Variants in NFKB1 observed in about 807,000 individuals in gnomAD.
NFKB1 encodes nuclear factor NF-kappa-B p105 subunit.
In NFKB1, 9 loss-of-function variants were observed where a neutral mutation model predicts 105.1. That is an observed-to-expected ratio of 0.09 (90% CI 0.05 to 0.15). The LOEUF (loss-of-function observed/expected upper bound fraction) is 0.15. Among genes scored for constraint, NFKB1 ranks in the 10% least tolerant of loss-of-function variants. The probability of loss-of-function intolerance (pLI) is 1.00; values close to 1 mark genes in which losing one functional copy is unlikely to be tolerated. For missense variants in NFKB1, 830 were observed against 1,203.7 expected (o/e 0.69, Z 4.59); for synonymous variants, 440 against 442.2 (o/e 1.00, Z 0.06).
At position 102,515,104 on chromosome 4, in the gene NFKB1, A is replaced by ATTTTT. The variant is rs761237095; in HGVS notation, c.-7-10406_-7-10405insTTTTT. Among the ~76,000 whole-genome samples the ATTTTT allele has an allele frequency of 2.3e-3, 257 of 113,258 alleles. 2 individuals are homozygous for ATTTTT. Among genetic ancestry groups the ATTTTT allele is most frequent in the Non-Finnish European group, 3.0e-3 (172 of 56,602 alleles). 74.3% of individuals were successfully genotyped at this position (113,258 alleles called of 152,430 possible). A position where few individuals can be genotyped will look rare whatever the true frequency, so the allele number is the denominator to read the frequency against. ...AGTTCCATGTAATATTATTATTATTATTATTTTTTTTTTTTTTTTTTTTTG... is the reference window on the plus strand; with the variant it reads ...AGTTCCATGTAATATTATTATTATTATTTTTTTATTTTTTTTTTTTTTTTTTTTTG... On this transcript the variant is annotated intron_variant, in intron 1 of 23. Coordinates refer to ENST00000226574, the MANE Select transcript of NFKB1 (RefSeq NM_003998.4).
At chr4:102,507,202 A>T (rs1392466633) in intron 1 of NFKB1, among the ~76,000 whole-genome samples, 1 of 151,986 alleles carries the variant, frequency 6.6e-6, no homozygotes, top group Non-Finnish European at 1.5e-5. Flanking sequence ...TGTTAAAATA[A>T]TAAAATAATC....
chr4:102,571,550 T>C (rs1194575592), intron 6 of NFKB1, among the ~76,000 whole-genome samples: 1 of 152,128 alleles, frequency 6.6e-6, no homozygotes, highest in Non-Finnish European at 1.5e-5. Context: ...ACAGGCAACC[T>C]ACAGAATGGG....
intron 2 of NFKB1, among the ~76,000 whole-genome samples, chr4:102,526,940 GTA>G (rs959238220): frequency 7.0e-5 from 10 of 143,106 alleles, no homozygotes; most frequent in East Asian, 4.2e-4. Context: ...GTGTGTGTGT[GTA>G]TATATGTATA....
chr4:102,566,122 T>G (rs1723845004), intron 5 of NFKB1, among the ~76,000 whole-genome samples: 1 of 152,218 alleles, frequency 6.6e-6, no homozygotes, highest in Non-Finnish European at 1.5e-5. Context: ...TCCAGTCTAC[T>G]ACAGGGGCTA....
intron 23 of NFKB1, among the ~76,000 whole-genome samples, chr4:102,615,744 G>T (rs4648141): frequency 6.6e-6 from 1 of 151,964 alleles, no homozygotes; most frequent in Non-Finnish European, 1.5e-5. Flanking sequence ...AATGATAGTC[G>T]TGCCACTGGC....
intron 3 of NFKB1, among the ~76,000 whole-genome samples, chr4:102,533,030 G>GT (rs1741400116): frequency 1.3e-5 from 2 of 151,990 alleles, no homozygotes; most frequent in Non-Finnish European, 2.9e-5. Flanking sequence ...TTTTCTTTGC[G>GT]TTTTTACAAT....
intron 22 of NFKB1, among the ~76,000 whole-genome samples, chr4:102,613,072 T>G (rs1417857447): frequency 6.6e-6 from 1 of 152,088 alleles, no homozygotes; most frequent in Non-Finnish European, 1.5e-5. Context: ...TGTTGAAAAT[T>G]TCATGGTTAG....
chr4:102,530,937 A>G (rs1741250170), intron 3 of NFKB1, among the ~76,000 whole-genome samples: 1 of 152,160 alleles, frequency 6.6e-6, no homozygotes, highest in African/African-American at 2.4e-5. Context: ...TTAGGCTGCC[A>G]TGTCTGAGAT....
chr4:102,548,277 A>G (rs1722291288), intron 5 of NFKB1, among the ~76,000 whole-genome samples: 1 of 152,116 alleles, frequency 6.6e-6, no homozygotes, highest in South Asian at 2.1e-4. Context: ...AGTGTGATGA[A>G]GAAGAAGTCA....
At chr4:102,593,372 T>C in intron 11 of NFKB1, 53 bp from the exon 12 acceptor site, 2 of 1,505,676 alleles carry the variant, frequency 1.3e-6, no homozygotes, top group Non-Finnish European at 1.8e-6. Flanking sequence ...CTGTGGCTAG[T>C]GGTGGGACCA....
chr4:102,552,996 A>C (rs554270284), intron 5 of NFKB1, among the ~76,000 whole-genome samples: 1 of 152,308 alleles, frequency 6.6e-6, no homozygotes, highest in South Asian at 2.1e-4. Context: ...CCAAGAAATC[A>C]AAGAAAATTT....
chr4:102,578,883 C>G lies in NFKB1; in HGVS notation c.574C>G (p.Arg192Gly). ...EGGGDRQLGD[R>G]EKELIRQAAL... is the part of the protein sequence containing the mutation. ...TGGACTGTGCTGTATGGCCCTAGAT[C>G]GGGAAAAAGAGCTAATCCGCCAAGC... Residue 192 changes from arginine (R) to glycine (G), a missense_variant and splice_region_variant, in exon 8 of 24, where the codon CGG becomes GGG. Physicochemically the swap from Arg to Gly is moderately radical, Grantham distance 125. Around this residue, in one of 8 missense-constraint regions of NFKB1, gnomAD observed 80 missense variants for 122.6 expected, o/e 0.65. Transcript: ENST00000226574. 1.2e-6 allele frequency: 2 copies of G among 1,613,888 alleles called. No homozygotes were observed. Among genetic ancestry groups the G allele is most frequent in the Non-Finnish European group, 1.7e-6 (2 of 1,179,894 alleles).
chr4:102,527,820 T>C (rs1741023855), intron 2 of NFKB1, among the ~76,000 whole-genome samples: 1 of 152,138 alleles, frequency 6.6e-6, no homozygotes, highest in Non-Finnish European at 1.5e-5. Flanking sequence ...AACCATCCTT[T>C]CCTGTCTGTA....
In NFKB1 at chr4:102,594,990, T is replaced by C; in HGVS notation, c.1300+9T>C. 1 of 1,579,864 alleles carries C rather than the reference T, an allele frequency of 6.3e-7. No individual in the cohort carries two copies. Among genetic ancestry groups the C allele is most frequent in the Non-Finnish European group, 8.7e-7 (1 of 1,152,032 alleles). ...TGCTGGGATGAAGCATGGTAAGTAATGCTTTGTTCTTAATACCAAGAAAGG... is the reference window on the plus strand; with the variant it reads ...TGCTGGGATGAAGCATGGTAAGTAACGCTTTGTTCTTAATACCAAGAAAGG... On this transcript the variant is annotated intron_variant, in intron 13 of 23. Transcript: ENST00000226574.
chr4:102,518,624 G>C (rs1215400920), intron 1 of NFKB1, among the ~76,000 whole-genome samples: 3 of 152,138 alleles, frequency 2.0e-5, no homozygotes, highest in Admixed American at 6.5e-5. Flanking sequence ...CAAATTAAAA[G>C]ATACTGATTA....
chr4:102,516,297 T>C (rs1740178596), intron 1 of NFKB1, among the ~76,000 whole-genome samples: 1 of 152,150 alleles, frequency 6.6e-6, no homozygotes, highest in Admixed American at 6.5e-5. Flanking sequence ...GTTGATTTTT[T>C]AAAAATCAAA....
chr4:102,580,861 AAAAG>A (rs1725264148), intron 9 of NFKB1, among the ~76,000 whole-genome samples: 1 of 152,224 alleles, frequency 6.6e-6, no homozygotes, highest in Non-Finnish European at 1.5e-5. Flanking sequence ...CATGGAAGTA[AAAAG>A]AAATAAGAAA....
At chr4:102,562,093 T>C (rs1723486327) in intron 5 of NFKB1, among the ~76,000 whole-genome samples, 1 of 152,118 alleles carries the variant, frequency 6.6e-6, no homozygotes, top group Non-Finnish European at 1.5e-5. Context: ...TGAGACGTGA[T>C]AATGGGTAGG....
At chr4:102,615,563 C>A (rs932445290) in intron 23 of NFKB1, among the ~76,000 whole-genome samples, 3 of 152,218 alleles carry the variant, frequency 2.0e-5, no homozygotes, top group Non-Finnish European at 2.9e-5. Flanking sequence ...AGTGCTCCTT[C>A]TGCACAGATA....
Sources: allele counts gnomAD v4.1 joint callset (sites outside exome capture counted in the v4.1 genomes callset), GRCh38; gene constraint gnomAD v4.1.1; regional missense constraint gnomAD v4.1.1; transcripts MANE v1.5; gene names NCBI Gene and HGNC (gene_info 2026-07-23, HGNC 2026-07-21).